Variants in PALS1 observed in about 807,000 individuals in gnomAD.
PALS1 encodes the protein protein PALS1.
A neutral mutation model predicts 78.9 loss-of-function variants in PALS1; 31 were observed. The ratio of observed to expected loss-of-function variants is 0.39; its 90% CI spans 0.30 to 0.53. PALS1 has a LOEUF of 0.53. PALS1 is among the 20% of genes least tolerant of loss of function. The probability of loss-of-function intolerance (pLI) is 0.67; values close to 1 mark genes in which losing one functional copy is unlikely to be tolerated. For synonymous variants in PALS1, 276 were observed against 270.9 expected, an observed-to-expected ratio of 1.02 and a Z score of -0.18; for missense variants, 704 against 826.5, an observed-to-expected ratio of 0.85 and a Z score of 1.82.
intron 1 of PALS1, among the ~76,000 whole-genome samples, chr14:67,251,393 C>G (rs1463310728): frequency 6.6e-6 from 1 of 152,044 alleles, no homozygotes; most frequent in Non-Finnish European, 1.5e-5. Context: ...ATTAGCTGGA[C>G]TTGGTGGTGT....
At chr14:67,268,307 A>G (rs988371736) in intron 1 of PALS1, among the ~76,000 whole-genome samples, 1 of 152,220 alleles carries the variant, frequency 6.6e-6, no homozygotes, top group Non-Finnish European at 1.5e-5. Flanking sequence ...GTTGAGATAG[A>G]ACTCTCATAC....
chr14:67,322,704 G>A (rs1197691692), intron 13 of PALS1, among the ~76,000 whole-genome samples: 1 of 152,052 alleles, frequency 6.6e-6, no homozygotes, highest in African/African-American at 2.4e-5. Flanking sequence ...TATTATTTGG[G>A]CAAACAGGTT....
intron 3 of PALS1, among the ~76,000 whole-genome samples, chr14:67,282,004 T>A (rs959486469): frequency 2.0e-5 from 3 of 152,160 alleles, no homozygotes; most frequent in African/African-American, 7.2e-5. Context: ...ATAACAGGTA[T>A]TTGTAATTCA....
At chr14:67,257,080 CG>C (rs907783738) in intron 1 of PALS1, among the ~76,000 whole-genome samples, 9 of 152,034 alleles carry the variant, frequency 5.9e-5, no homozygotes, top group African/African-American at 2.2e-4. Flanking sequence ...TCCGGTAAGA[CG>C]GAACAACTTG....
intron 4 of PALS1, among the ~76,000 whole-genome samples, chr14:67,297,313 T>G (rs2084871449): frequency 6.6e-6 from 1 of 152,324 alleles, no homozygotes; most frequent in East Asian, 1.9e-4. Context: ...AAATATGAAT[T>G]AATTTATACA....
chr14:67,298,515 CAA>C (rs59351794), intron 4 of PALS1, among the ~76,000 whole-genome samples: 11 of 120,700 alleles, frequency 9.1e-5, no homozygotes, highest in Admixed American at 3.2e-4. Flanking sequence ...AACTCCGTCT[CAA>C]AAAAAAAAAA....
chr14:67,241,822 C>A (rs1053253595), intron 1 of PALS1: 2 of 151,314 alleles, frequency 1.3e-5, no homozygotes, highest in Admixed American at 1.3e-4. Flanking sequence ...CCAGCCGAGC[C>A]CGAGGTGCAG....
chr14:67,276,403 AT>A (rs1224551774), intron 2 of PALS1, among the ~76,000 whole-genome samples: 5 of 152,204 alleles, frequency 3.3e-5, no homozygotes, highest in African/African-American at 1.2e-4. Flanking sequence ...TATCTGGCTA[AT>A]TTTTAGTTGC....
chr14:67,281,281 C>T (rs1210080722), intron 3 of PALS1, among the ~76,000 whole-genome samples: 1 of 152,138 alleles, frequency 6.6e-6, no homozygotes, highest in African/African-American at 2.4e-5. Flanking sequence ...TTCATATGTA[C>T]ATGCTTTTCT....
chr14:67,309,371 T>G (rs2085054744), intron 8 of PALS1, among the ~76,000 whole-genome samples: 1 of 152,198 alleles, frequency 6.6e-6, no homozygotes, highest in South Asian at 2.1e-4. Context: ...AAATCATTAA[T>G]TTTTCAGATG....
At chr14:67,317,016 A>G (rs2085186739) in intron 10 of PALS1, 113 bp downstream of exon 10, 3 of 766,824 alleles carry the variant, frequency 3.9e-6, no homozygotes, top group Non-Finnish European at 6.4e-6. Flanking sequence ...GAGTGATACA[A>G]GAGGCAAAAC....
chr14:67,272,876 C>T (rs1167846958), intron 2 of PALS1, among the ~76,000 whole-genome samples: 1 of 152,092 alleles, frequency 6.6e-6, no homozygotes, highest in Non-Finnish European at 1.5e-5. Context: ...ACCATATTGC[C>T]CAGGCTGGTC....
intron 3 of PALS1, among the ~76,000 whole-genome samples, chr14:67,284,430 A>AAAAAAAAAAAAAAAAAAAAAC (rs2084646280): frequency 2.2e-5 from 2 of 91,840 alleles, no homozygotes; most frequent in Non-Finnish European, 3.7e-5. Context: ...CCTATCTCTT[A>AAAAAAAAAAAAAAAAAAAAAC]AAAAAAAAAA....
At chr14:67,302,943 ATTG>A (rs2084951097) in intron 7 of PALS1, among the ~76,000 whole-genome samples, 1 of 152,162 alleles carries the variant, frequency 6.6e-6, no homozygotes, top group Admixed American at 6.5e-5. Context: ...TCTGTAATTG[ATTG>A]TTGTTTTCCT....
chr14:67,257,239 A>T (rs1195412949), intron 1 of PALS1, among the ~76,000 whole-genome samples: 1 of 152,178 alleles, frequency 6.6e-6, no homozygotes, highest in African/African-American at 2.4e-5. Context: ...CATAAACCAT[A>T]GGGCAGAGGA....
At chr14:67,254,651 A>T (rs2084118170) in intron 1 of PALS1, among the ~76,000 whole-genome samples, 2 of 152,306 alleles carry the variant, frequency 1.3e-5, no homozygotes, top group African/African-American at 2.4e-5. Flanking sequence ...ACCAGATATG[A>T]GTCCTTATTA....
At chr14:67,277,371 G>A (rs2084523352) in intron 2 of PALS1, among the ~76,000 whole-genome samples, 1 of 152,164 alleles carries the variant, frequency 6.6e-6, no homozygotes, top group Admixed American at 6.5e-5. Flanking sequence ...TGTTGGACTA[G>A]TGGTTTTCCT....
At chr14:67,299,917 G>A (rs2084909388) in intron 4 of PALS1, among the ~76,000 whole-genome samples, 1 of 152,134 alleles carries the variant, frequency 6.6e-6, no homozygotes, top group African/African-American at 2.4e-5. Flanking sequence ...CTGTCAAAAG[G>A]TGTATGATCA....
At chr14:67,320,629 G>A (rs964172159) in intron 12 of PALS1, among the ~76,000 whole-genome samples, 2 of 151,852 alleles carry the variant, frequency 1.3e-5, no homozygotes, top group Non-Finnish European at 2.9e-5. Flanking sequence ...TTTCAGTTTG[G>A]GCCCCTTATA....
Sources: gnomAD v4.1 joint callset for allele counts (sites outside exome capture counted in the v4.1 genomes callset) on GRCh38, gnomAD v4.1.1 for gene constraint, MANE v1.5 for transcripts, NCBI Gene and HGNC (gene_info 2026-07-23, HGNC 2026-07-21) for gene names.